Variants in HDAC9 observed in about 807,000 individuals in gnomAD.
HDAC9 encodes the protein histone deacetylase 9, also known as MEF-2 interacting transcription repressor (MITR) protein.
In HDAC9, 41 loss-of-function variants were observed where a neutral mutation model predicts 139.4. The observed-to-expected ratio is 0.29, with a 90% CI of 0.23 to 0.38. HDAC9 has a LOEUF of 0.38. Among genes scored for constraint, HDAC9 ranks in the 10% least tolerant of loss-of-function variants. The pLI is 1.00. For synonymous variants in HDAC9, 517 were observed against 476.2 expected (o/e 1.09, Z -1.12); for missense variants, 1,147 against 1,297.0 (o/e 0.88, Z 1.78).
intron 1 of HDAC9, among the ~76,000 whole-genome samples, chr7:18,302,113 T>C (rs1468769737): frequency 2.6e-5 from 4 of 152,228 alleles, no homozygotes; most frequent in Non-Finnish European, 4.4e-5. Flanking sequence ...TTGAAGAGTT[T>C]AAGGGTGCAA....
chr7:18,773,269 C>CA (rs1790468521), intron 16 of HDAC9, among the ~76,000 whole-genome samples: 1 of 151,418 alleles, frequency 6.6e-6, no homozygotes, highest in Non-Finnish European at 1.5e-5. Context: ...CTTCTGTTGC[C>CA]AAAATGAGAT....
chr7:18,568,017 T>G (rs1822957435), intron 2 of HDAC9, among the ~76,000 whole-genome samples: 1 of 86,382 alleles, frequency 1.2e-5, no homozygotes, highest in Non-Finnish European at 2.2e-5. Flanking sequence ...ATACAGGATA[T>G]ATGTATATGT....
At chr7:18,710,294 A>G (rs916616414) in intron 12 of HDAC9, among the ~76,000 whole-genome samples, 12 of 152,214 alleles carry the variant, frequency 7.9e-5, no homozygotes, top group East Asian at 7.7e-4. Context: ...CAGCTAAACC[A>G]TATCAGTCAG....
chr7:18,979,003 T>C (rs916942578), intron 25 of HDAC9, among the ~76,000 whole-genome samples: 1 of 152,236 alleles, frequency 6.6e-6, no homozygotes, highest in Non-Finnish European at 1.5e-5. Context: ...GATTTGCAGT[T>C]GTCATTTTGA....
intron 23 of HDAC9, among the ~76,000 whole-genome samples, chr7:18,940,512 A>G (rs576600299): frequency 2.6e-5 from 4 of 152,298 alleles, no homozygotes; most frequent in South Asian, 2.1e-4. Context: ...ATCTTTTTCA[A>G]TGAAGCACTT....
At chr7:18,295,391 A>T (rs1798079106) in intron 1 of HDAC9, among the ~76,000 whole-genome samples, 1 of 152,214 alleles carries the variant, frequency 6.6e-6, no homozygotes, top group African/African-American at 2.4e-5. Context: ...CATGGAGCTC[A>T]TTGACATAAA....
chr7:18,250,917 C>G (rs1028491805), intron 2 of HDAC9, among the ~76,000 whole-genome samples: 3 of 151,940 alleles, frequency 2.0e-5, no homozygotes, highest in Admixed American at 2.0e-4. Flanking sequence ...ACATGTATGT[C>G]TTCTTTTGAA....
intron 22 of HDAC9, among the ~76,000 whole-genome samples, chr7:18,935,448 T>C (rs147042645): frequency 5.3e-5 from 8 of 152,094 alleles, no homozygotes; most frequent in African/African-American, 1.7e-4. Context: ...ACAGGAAGCA[T>C]ATGGTAAGCA....
At chr7:18,249,221 G>A (rs1276524059) in intron 2 of HDAC9, among the ~76,000 whole-genome samples, 4 of 151,986 alleles carry the variant, frequency 2.6e-5, no homozygotes, top group Non-Finnish European at 5.9e-5. Flanking sequence ...TCTTTCTTCA[G>A]TCTGGGTGTG....
intron 1 of HDAC9, among the ~76,000 whole-genome samples, chr7:18,305,614 C>T (rs1287371471): frequency 2.0e-5 from 3 of 151,960 alleles, no homozygotes; most frequent in Non-Finnish European, 4.4e-5. Flanking sequence ...GTCTGTAAGT[C>T]AACCAGAGAA....
intron 16 of HDAC9, among the ~76,000 whole-genome samples, chr7:18,769,135 A>G (rs974525645): frequency 6.6e-6 from 1 of 152,174 alleles, no homozygotes; most frequent in Admixed American, 6.6e-5. Context: ...TGTATGACTC[A>G]GGACTGAATT....
chr7:18,348,910 G>A (rs973984866), intron 1 of HDAC9, among the ~76,000 whole-genome samples: 1 of 152,022 alleles, frequency 6.6e-6, no homozygotes, highest in African/African-American at 2.4e-5. Flanking sequence ...CTATTTAAAT[G>A]GAGTCTGAGA....
intron 13 of HDAC9, among the ~76,000 whole-genome samples, chr7:18,733,157 A>C (rs892333593): frequency 6.8e-6 from 1 of 147,418 alleles, no homozygotes; most frequent in Non-Finnish European, 1.5e-5. Context: ...ACATATATAC[A>C]CGTGTATACA....
At chr7:18,808,785 A>T (rs1793938531) in intron 17 of HDAC9, among the ~76,000 whole-genome samples, 1 of 152,092 alleles carries the variant, frequency 6.6e-6, no homozygotes, top group Admixed American at 6.6e-5. Context: ...AGAGAAAAAA[A>T]ATCCTAAAAT....
intron 1 of HDAC9, among the ~76,000 whole-genome samples, chr7:18,092,344 C>G (rs1187082892): frequency 1.3e-5 from 2 of 151,778 alleles, no homozygotes; most frequent in East Asian, 3.9e-4. Flanking sequence ...AAGCCATGAT[C>G]GTGCCACCAT....
intron 21 of HDAC9, among the ~76,000 whole-genome samples, chr7:18,841,075 G>C (rs1796552680): frequency 6.6e-6 from 1 of 151,914 alleles, no homozygotes; most frequent in Admixed American, 6.6e-5. Context: ...AGATAATTTG[G>C]GGCAGGGCAC....
intron 1 of HDAC9, among the ~76,000 whole-genome samples, chr7:18,159,817 T>A (rs1181056856): frequency 2.0e-5 from 3 of 152,200 alleles, no homozygotes; most frequent in Non-Finnish European, 4.4e-5. Flanking sequence ...AGATAACATT[T>A]TCATAAATGT....
intron 1 of HDAC9, among the ~76,000 whole-genome samples, chr7:18,311,284 A>C (rs1799302641): frequency 6.6e-6 from 1 of 152,088 alleles, no homozygotes; most frequent in African/African-American, 2.4e-5. Flanking sequence ...CCCCAATGAA[A>C]AAATTGAGAT....
intron 1 of HDAC9, among the ~76,000 whole-genome samples, chr7:18,446,638 T>G (rs1219402062): frequency 6.6e-6 from 1 of 152,246 alleles, no homozygotes; most frequent in African/African-American, 2.4e-5. Context: ...AAAGCACTGT[T>G]GATATAGTTT....
Sources: allele counts gnomAD v4.1 joint callset (sites outside exome capture counted in the v4.1 genomes callset), GRCh38; gene constraint gnomAD v4.1.1; transcripts MANE v1.5; gene names NCBI Gene and HGNC (gene_info 2026-07-23, HGNC 2026-07-21).